CCSER1: variants seen among roughly 807,000 people sequenced by gnomAD.
CCSER1 encodes the protein serine-rich coiled-coil domain-containing protein 1.
In CCSER1, 41 loss-of-function variants were observed where a neutral mutation model predicts 82.0. That is an observed-to-expected ratio of 0.50 (90% confidence interval 0.39 to 0.65). The LOEUF (loss-of-function observed/expected upper bound fraction) is 0.65. Ranked by LOEUF, CCSER1 falls within the 30% of genes least tolerant of loss-of-function variation. The probability of loss-of-function intolerance (pLI) is 0.00; values close to 1 mark genes in which losing one functional copy is unlikely to be tolerated. For synonymous variants in CCSER1, 414 were observed against 383.9 expected (o/e 1.08, Z -0.92); for missense variants, 1,119 against 1,064.2 (o/e 1.05, Z -0.72).
intron 10 of CCSER1, among the ~76,000 whole-genome samples, chr4:91,110,195 TA>T (rs948044019): frequency 4.6e-4 from 69 of 151,486 alleles, no homozygotes; most frequent in Non-Finnish European, 7.5e-4. Flanking sequence ...AAATGGAATT[TA>T]AAAAAAAATT....
chr4:90,994,776 GTGT>G (rs1233804423), intron 9 of CCSER1, among the ~76,000 whole-genome samples: 2 of 152,134 alleles, frequency 1.3e-5, no homozygotes, highest in African/African-American at 4.8e-5. Flanking sequence ...ACCTTTTAGT[GTGT>G]TGTTTCTTTT....
Position 90,750,052 on chromosome 4 carries a change from G to A in CCSER1, c.2010+26061G>A, listed in dbSNP as rs535937201. On this transcript the variant is annotated intron_variant, in intron 7 of 10. Transcript: ENST00000509176. ...TTTCTCTGATGGCCAGTGATGGTGA[G>A]CATTTTTTCATGTGTTTTTTGGCTG... Among the ~76,000 whole-genome samples the A allele has an allele frequency of 2.4e-3, 359 of 152,190 alleles. 3 individuals carry two copies. The highest frequency in any genetic ancestry group is 8.4e-3 in the African/African-American group (347 of 41,542).
At chr4:91,590,106 C>T (rs1394118156) in intron 10 of CCSER1, among the ~76,000 whole-genome samples, 1 of 152,032 alleles carries the variant, frequency 6.6e-6, no homozygotes, top group Non-Finnish European at 1.5e-5. Context: ...CTCTTGGGAG[C>T]TCTGCTGGCC....
intron 10 of CCSER1, among the ~76,000 whole-genome samples, chr4:91,553,900 A>G (rs1344118359): frequency 2.0e-5 from 3 of 150,592 alleles, no homozygotes; most frequent in Admixed American, 6.6e-5. Context: ...TGTGTCTCAT[A>G]TATTCTCTAA....
intron 10 of CCSER1, among the ~76,000 whole-genome samples, chr4:91,505,743 T>C (rs1759449530): frequency 6.6e-6 from 1 of 152,214 alleles, no homozygotes; most frequent in African/African-American, 2.4e-5. Flanking sequence ...ATGTGTTCTT[T>C]TGAGAAGTGT....
chr4:90,381,726 G>A (rs1411177457), intron 3 of CCSER1, among the ~76,000 whole-genome samples: 1 of 151,932 alleles, frequency 6.6e-6, no homozygotes, highest in African/African-American at 2.4e-5. Flanking sequence ...GAGAATGAAG[G>A]GTTGATAAGT....
intron 10 of CCSER1, among the ~76,000 whole-genome samples, chr4:91,184,757 TG>T (rs1734363815): frequency 6.6e-6 from 1 of 152,192 alleles, no homozygotes; most frequent in African/African-American, 2.4e-5. Flanking sequence ...CCCCTTGACT[TG>T]GTTTTTTCAA....
chr4:90,387,014 G>A (rs997493840), intron 3 of CCSER1, among the ~76,000 whole-genome samples: 2 of 151,954 alleles, frequency 1.3e-5, no homozygotes, highest in Non-Finnish European at 2.9e-5. Context: ...TCAGAACTTA[G>A]TACTATCCTA....
intron 7 of CCSER1, among the ~76,000 whole-genome samples, chr4:90,759,974 T>A (rs1436831027): frequency 1.3e-5 from 2 of 151,992 alleles, no homozygotes; most frequent in Non-Finnish European, 2.9e-5. Flanking sequence ...AATTATTACA[T>A]TTTAATATTG....
chr4:91,364,535 C>T (rs937886554), intron 10 of CCSER1, among the ~76,000 whole-genome samples: 1 of 152,016 alleles, frequency 6.6e-6, no homozygotes, highest in African/African-American at 2.4e-5. Flanking sequence ...AAGAAAAGAA[C>T]ATTAATGATT....
chr4:91,401,260 ATAGT>A lies in CCSER1; in HGVS notation c.2218-197309_2218-197306del, dbSNP rs538499087. On this transcript the variant is annotated intron_variant, in intron 10 of 10. Transcript: ENST00000509176. Reference sequence around the variant, plus strand: ...TATATATGTGTATTCTAAGACATATATAGTTATATACTATGCTACATAGATATAC... The same window carrying A: ...TATATATGTGTATTCTAAGACATATATATATACTATGCTACATAGATATAC... Among the ~76,000 whole-genome samples the A allele has an allele frequency of 2.9e-3, 436 of 149,382 alleles. 1 individual carries two copies. Among genetic ancestry groups the A allele is most frequent in the African/African-American group, 0.01 (420 of 41,040 alleles).
At chr4:90,583,794 G>C (rs1031774041) in intron 5 of CCSER1, among the ~76,000 whole-genome samples, 3 of 151,458 alleles carry the variant, frequency 2.0e-5, no homozygotes, top group African/African-American at 7.3e-5. Flanking sequence ...AATATTCAAG[G>C]AAAAAAACTG....
chr4:91,442,134 A>G (rs928712973), intron 10 of CCSER1, among the ~76,000 whole-genome samples: 1 of 151,842 alleles, frequency 6.6e-6, no homozygotes, highest in Non-Finnish European at 1.5e-5. Flanking sequence ...TAAAGTTCAT[A>G]TGGAACCAAA....
intron 10 of CCSER1, among the ~76,000 whole-genome samples, chr4:91,190,419 T>C (rs1235011338): frequency 6.6e-6 from 1 of 152,210 alleles, no homozygotes; most frequent in African/African-American, 2.4e-5. Flanking sequence ...TATCTTCTTA[T>C]ATATCATATC....
chr4:91,583,652 T>C (rs1183588591), intron 10 of CCSER1, among the ~76,000 whole-genome samples: 1 of 151,518 alleles, frequency 6.6e-6, no homozygotes, highest in Non-Finnish European at 1.5e-5. Context: ...AGTGGAGTTT[T>C]GGTTTTTCAT....
intron 10 of CCSER1, among the ~76,000 whole-genome samples, chr4:91,310,363 C>T (rs907993911): frequency 2.9e-4 from 42 of 145,248 alleles, no homozygotes; most frequent in African/African-American, 9.0e-4. Flanking sequence ...ATAAAATACA[C>T]GAACACTAAC....
At chr4:90,610,042 G>A (rs1438216763) in intron 5 of CCSER1, among the ~76,000 whole-genome samples, 1 of 152,094 alleles carries the variant, frequency 6.6e-6, no homozygotes, top group Non-Finnish European at 1.5e-5. Flanking sequence ...CACGAGGTCA[G>A]GAGATTTGAG....
At chr4:91,205,808 A>G (rs1314270022) in intron 10 of CCSER1, among the ~76,000 whole-genome samples, 1 of 151,854 alleles carries the variant, frequency 6.6e-6, no homozygotes, top group South Asian at 2.1e-4. Flanking sequence ...TTAAAAGATC[A>G]TTAGACATTT....
At chr4:91,474,789 A>ATATATATATATATATATATATATTTGTG (rs1560700595) in intron 10 of CCSER1, among the ~76,000 whole-genome samples, 20 of 53,064 alleles carry the variant, frequency 3.8e-4, no homozygotes, top group Admixed American at 1.7e-3. Flanking sequence ...ATATTTGTGT[A>ATATATATATATATATATATATATTTGTG]TATATATATA....
Sources: allele counts gnomAD v4.1 joint callset (sites outside exome capture counted in the v4.1 genomes callset), GRCh38; gene constraint gnomAD v4.1.1; transcripts MANE v1.5; gene names NCBI Gene and HGNC (gene_info 2026-07-23, HGNC 2026-07-21).